Variants in SDCBP observed in about 807,000 individuals in gnomAD.
The protein encoded by SDCBP is syntenin-1.
In SDCBP, 22 loss-of-function variants were observed where a neutral mutation model predicts 30.5. The observed-to-expected ratio is 0.72, with a 90% CI of 0.52 to 1.03. SDCBP has a LOEUF of 1.03. SDCBP is among the 50% of genes least tolerant of loss of function. SDCBP has a pLI of 0.00. For missense variants in SDCBP, 304 were observed against 369.9 expected (o/e 0.82, Z 1.46); for synonymous variants, 103 against 118.7 (o/e 0.87, Z 0.86).
rs1418194756 is a variant in SDCBP at position 58,573,703 on chromosome 8, A to G, written c.240+1389A>G. Among the ~76,000 whole-genome samples the G allele has an allele frequency of 3.3e-5, 5 of 152,198 alleles. No individual in the cohort carries two copies. In the East Asian group the frequency reaches 9.6e-4, roughly 29 times the overall value. Reference sequence around the variant, plus strand: ...TGACAGGAGCAGGAGGCACACAGGAAGGAATGAGGTGCTTGTCATTCCAGT... The same window carrying G: ...TGACAGGAGCAGGAGGCACACAGGAGGGAATGAGGTGCTTGTCATTCCAGT... On this transcript the variant is annotated intron_variant, in intron 4 of 8. Coordinates refer to ENST00000260130, the MANE Select transcript of SDCBP (RefSeq NM_005625.4).
intron 8 of SDCBP, 105 bp downstream of exon 8, chr8:58,580,713 C>T: frequency 1.5e-6 from 1 of 663,014 alleles, no homozygotes; most frequent in Non-Finnish European, 2.7e-6. Context: ...GGAATGGATA[C>T]TGGTGTTTTA....
At chr8:58,556,415 C>T (rs912581150) in intron 1 of SDCBP, among the ~76,000 whole-genome samples, 10 of 152,110 alleles carry the variant, frequency 6.6e-5, no homozygotes, top group African/African-American at 2.2e-4. Context: ...AATGGGCCAC[C>T]GACTGGTACT....
chr8:58,574,658 T>G (rs1287272741), intron 4 of SDCBP, among the ~76,000 whole-genome samples: 1 of 152,198 alleles, frequency 6.6e-6, no homozygotes, highest in Non-Finnish European at 1.5e-5. Flanking sequence ...CATATTTTAT[T>G]CTTCTTCTCT....
chr8:58,572,467 T>C (rs751141408), intron 4 of SDCBP, among the ~76,000 whole-genome samples, 153 bp downstream of exon 4: 5 of 152,214 alleles, frequency 3.3e-5, no homozygotes, highest in Non-Finnish European at 5.9e-5. Context: ...TCATTTCTTA[T>C]ATAGTCTACT....
intron 6 of SDCBP, 95 bp from the exon 7 acceptor site, chr8:58,579,527 TA>T (rs1805553380): frequency 1.1e-6 from 1 of 883,314 alleles, no homozygotes; most frequent in Admixed American, 3.4e-5. Flanking sequence ...GTGTTTATTA[TA>T]AAAGTATCCA....
Position 58,580,608 on chromosome 8 carries a change from G to A in SDCBP, c.842G>A (p.Arg281Gln), listed in dbSNP as rs568136446. The change falls in exon 8 of 9, where the codon CGG becomes CAG. Residue 281 changes from arginine (R) to glutamine (Q), a missense_variant and splice_region_variant. Physicochemically the swap from Arg to Gln is conservative, Grantham distance 43. Coordinates refer to ENST00000260130, the MANE Select transcript of SDCBP (RefSeq NM_005625.4). ...PAFIFEHIIK[R>Q]MAPSIMKSLM... The stretch of plus-strand genomic sequence containing the variant: ...TTTATCTTTGAACATATTATTAAGC[G>A]GTAAGTAAACAATTCCTCAACTTAA... 1.3e-4 allele frequency: 187 copies of A among 1,461,586 alleles called. 1 individual carries two copies. In the South Asian group the frequency reaches 1.8e-3, roughly 14 times the overall value. 90.5% of individuals were successfully genotyped at this position (1,461,586 alleles called of 1,614,324 possible).
intron 1 of SDCBP, among the ~76,000 whole-genome samples, chr8:58,562,408 A>G (rs1452752314): frequency 6.6e-6 from 1 of 152,202 alleles, no homozygotes; most frequent in African/African-American, 2.4e-5. Context: ...GAAAAAGAAC[A>G]AAGTGGGAGG....
intron 7 of SDCBP, among the ~76,000 whole-genome samples, chr8:58,580,172 A>T (rs60600243): frequency 0.067 from 10,174 of 152,238 alleles, 872 homozygotes; most frequent in East Asian, 0.26. Context: ...TTCCTAAATA[A>T]GTCTGTCTTA....
intron 4 of SDCBP, among the ~76,000 whole-genome samples, chr8:58,574,410 TATTTTAGTAACTGATCATGA>T (rs1424498415): frequency 6.6e-6 from 1 of 152,226 alleles, no homozygotes; most frequent in East Asian, 1.9e-4. Context: ...CTCTGATTCT[TATTTTAGTAACTGATCATGA>T]GGCTGTAGTT....
intron 2 of SDCBP, among the ~76,000 whole-genome samples, chr8:58,568,242 T>A (rs965947229): frequency 1.3e-5 from 2 of 152,226 alleles, no homozygotes; most frequent in African/African-American, 4.8e-5. Flanking sequence ...TTTAAATTTT[T>A]AGTTTTTAAA....
intron 2 of SDCBP, among the ~76,000 whole-genome samples, chr8:58,565,824 G>C (rs1804678623): frequency 6.6e-6 from 1 of 152,024 alleles, no homozygotes; most frequent in Non-Finnish European, 1.5e-5. Flanking sequence ...CTTTCAACTT[G>C]ATCTCTTATC....
At chr8:58,580,855 C>T (rs1040654764) in intron 8 of SDCBP, among the ~76,000 whole-genome samples, 2 of 152,128 alleles carry the variant, frequency 1.3e-5, no homozygotes, top group Admixed American at 6.5e-5. Flanking sequence ...AAAAGGTATG[C>T]AAGGAGAAGT....
At chr8:58,570,730 G>T in intron 2 of SDCBP, 157 bp from the exon 3 acceptor site, 1 of 553,952 alleles carries the variant, frequency 1.8e-6, no homozygotes, top group Non-Finnish European at 3.2e-6. Context: ...GATTTCCTTT[G>T]GAAAATGTAT....
intron 1 of SDCBP, among the ~76,000 whole-genome samples, chr8:58,558,261 A>G (rs1655828917): frequency 1.3e-5 from 2 of 152,258 alleles, no homozygotes; most frequent in South Asian, 4.1e-4. Context: ...AAATACTAAC[A>G]TTTGGTATCT....
At chr8:58,575,016 C>T (rs995930107) in intron 4 of SDCBP, among the ~76,000 whole-genome samples, 1 of 152,160 alleles carries the variant, frequency 6.6e-6, no homozygotes, top group Non-Finnish European at 1.5e-5. Context: ...ACATTTTTCT[C>T]ATTCTTTGCC....
intron 1 of SDCBP, among the ~76,000 whole-genome samples, chr8:58,557,932 A>G (rs946219314): frequency 2.0e-5 from 3 of 152,230 alleles, no homozygotes; most frequent in Non-Finnish European, 4.4e-5. Flanking sequence ...CTGATGTAAT[A>G]GTTACTTTCA....
At chr8:58,579,351 ACATATTGATAAAAC>A (rs1805541760) in intron 6 of SDCBP, among the ~76,000 whole-genome samples, 1 of 152,204 alleles carries the variant, frequency 6.6e-6, no homozygotes, top group South Asian at 2.1e-4. Flanking sequence ...TAAAAGAAAA[ACATATTGATAAAAC>A]CATATAAAGC....
chr8:58,572,808 TTTTTTTTTTTTTTTTTG>T lies in SDCBP; in HGVS notation c.240+495_240+511del, dbSNP rs1043243143. On this transcript the variant is annotated intron_variant, in intron 4 of 8. Transcript: ENST00000260130. Reference sequence around the variant, plus strand: ...TCTTTGTTGCTCATAATCTTTTTTTTTTTTTTTTTTTTTTTTGAGGCATAGTCTCACTTTGTCACCCA... The same window carrying T: ...TCTTTGTTGCTCATAATCTTTTTTTTAGGCATAGTCTCACTTTGTCACCCA... Among the ~76,000 whole-genome samples, 685 of 142,640 alleles carry T rather than the reference TTTTTTTTTTTTTTTTTG, an allele frequency of 4.8e-3. 6 individuals are homozygous for T. The highest frequency in any genetic ancestry group is 0.017 in the African/African-American group (650 of 37,910). 93.6% of individuals were successfully genotyped at this position (142,640 alleles called of 152,430 possible).
At chr8:58,554,819 T>G (rs1485054788) in intron 1 of SDCBP, among the ~76,000 whole-genome samples, 1 of 152,256 alleles carries the variant, frequency 6.6e-6, no homozygotes, top group African/African-American at 2.4e-5. Context: ...TAGCAATAGT[T>G]ACGTTAGCAT....
Sources: gnomAD v4.1 joint callset for allele counts (sites outside exome capture counted in the v4.1 genomes callset) on GRCh38, gnomAD v4.1.1 for gene constraint, MANE v1.5 for transcripts, NCBI Gene and HGNC (gene_info 2026-07-23, HGNC 2026-07-21) for gene names.